Variants in SYK observed in about 807,000 individuals in gnomAD.
The protein encoded by SYK is spleen associated tyrosine kinase, also known as tyrosine-protein kinase SYK.
A neutral mutation model predicts 77.8 loss-of-function variants in SYK; 16 were observed. The observed-to-expected ratio is 0.21, with a 90% CI of 0.14 to 0.31. The LOEUF is 0.31. Ranked by LOEUF, SYK falls within the 10% of genes least tolerant of loss-of-function variation. SYK has a pLI of 1.00. For synonymous variants in SYK, 312 were observed against 308.7 expected (o/e 1.01, Z -0.11); for missense variants, 529 against 814.4 (o/e 0.65, Z 4.26).
chr9:90,843,915 T>C lies in SYK; in HGVS notation c.17T>C (p.Met6Thr), dbSNP rs201350143. 1.8e-5 allele frequency: 28 copies of C among 1,544,136 alleles called. No homozygotes were observed. The highest frequency in any genetic ancestry group is 2.4e-5 in the Non-Finnish European group (27 of 1,143,698). Residue 6 changes from methionine (M) to threonine (T), a missense_variant, in exon 2 of 14, where the codon ATG becomes ACG. This residue lies in a region of SYK where 321 missense variants were observed against 433.1 expected (regional missense o/e 0.74). Coordinates refer to ENST00000375754, the MANE Select transcript of SYK (RefSeq NM_003177.7). ...CCCTGAAGCATGGCCAGCAGCGGCA[T>C]GGCTGACAGCGCCAACCACCTGCCC... is the stretch of plus-strand genomic sequence containing the variant. MASSG[M>T]ADSANHLPFF...
In SYK at chr9:90,884,482, C is replaced by CATATGTGTGTACATATACATACATAT. The variant is rs1564121271; in HGVS notation, c.1582-3266_1582-3265insTATGTGTGTACATATACATACATATA. Among the ~76,000 whole-genome samples the CATATGTGTGTACATATACATACATAT allele has an allele frequency of 6.0e-4, 4 of 6,692 alleles. 2 individuals are homozygous for CATATGTGTGTACATATACATACATAT. Among genetic ancestry groups the CATATGTGTGTACATATACATACATAT allele is most frequent in the East Asian group, 0.026 (2 of 78 alleles). 4.4% of individuals were successfully genotyped at this position (6,692 alleles called of 152,430 possible). A position where few individuals can be genotyped will look rare whatever the true frequency, so the allele number is the denominator to read the frequency against. On this transcript the variant is annotated intron_variant, in intron 11 of 13. Transcript: ENST00000375754. The stretch of plus-strand genomic sequence containing the variant: ...ACATATGTGTGTACATATACATACA[C>CATATGTGTGTACATATACATACATAT]ACACATACACATATGTGTACATGTA...
chr9:90,885,599 T>C (rs1053154244), intron 11 of SYK, among the ~76,000 whole-genome samples: 1 of 152,144 alleles, frequency 6.6e-6, no homozygotes, highest in African/African-American at 2.4e-5. Context: ...GAATGAAAGA[T>C]TAGAAATCCT....
chr9:90,890,895 G>A (rs1018406101), intron 13 of SYK, among the ~76,000 whole-genome samples: 1 of 152,158 alleles, frequency 6.6e-6, no homozygotes, highest in Non-Finnish European at 1.5e-5. Context: ...TAAGAGCAGA[G>A]GTTTAATAGG....
At chr9:90,874,313 G>A in intron 8 of SYK, 22 bp downstream of exon 8, 3 of 1,612,626 alleles carry the variant, frequency 1.9e-6, no homozygotes, top group Non-Finnish European at 2.5e-6. Flanking sequence ...TTTCATTCAA[G>A]GGACATTCAC....
At chr9:90,811,655 T>C (rs575489074) in intron 1 of SYK, among the ~76,000 whole-genome samples, 22 of 152,276 alleles carry the variant, frequency 1.4e-4, no homozygotes, top group African/African-American at 4.6e-4. Flanking sequence ...CAATGACTCA[T>C]GCCTGTAATT....
chr9:90,807,132 G>A (rs1458196115), intron 1 of SYK, among the ~76,000 whole-genome samples: 1 of 152,244 alleles, frequency 6.6e-6, no homozygotes, highest in East Asian at 1.9e-4. Flanking sequence ...GATTCTCTGA[G>A]AGAGTCAGTC....
chr9:90,844,432 A>C, intron 2 of SYK, 117 bp downstream of exon 2: 4 of 1,207,852 alleles, frequency 3.3e-6, no homozygotes, highest in Non-Finnish European at 3.4e-6. Context: ...TAACACAACC[A>C]TCTCCTTAAG....
intron 1 of SYK, among the ~76,000 whole-genome samples, chr9:90,833,352 T>C (rs1039198775): frequency 6.6e-6 from 1 of 152,190 alleles, no homozygotes; most frequent in Non-Finnish European, 1.5e-5. Flanking sequence ...CTTACACTAA[T>C]GGAGTGTCTA....
At chr9:90,854,263 AG>A (rs1301783867) in intron 3 of SYK, among the ~76,000 whole-genome samples, 5 of 152,214 alleles carry the variant, frequency 3.3e-5, no homozygotes, top group African/African-American at 7.2e-5. Context: ...AGCATGGAGC[AG>A]GGGCGGCTGC....
intron 1 of SYK, among the ~76,000 whole-genome samples, chr9:90,808,877 G>A (rs1242870425): frequency 2.0e-5 from 3 of 152,278 alleles, no homozygotes; most frequent in African/African-American, 7.2e-5. Flanking sequence ...GTGTGAGCCT[G>A]ACCTGCTTCA....
Position 90,889,467 on chromosome 9 carries a change from A to T in SYK, c.1835+840A>T, listed in dbSNP as rs558801908. Among the ~76,000 whole-genome samples the T allele has an allele frequency of 2.6e-5, 4 of 152,362 alleles. No individual in the cohort carries two copies. The East Asian group carries it at 7.7e-4, about 29-fold the overall frequency. On this transcript the variant is annotated intron_variant, in intron 13 of 13. Coordinates refer to ENST00000375754, the MANE Select transcript of SYK (RefSeq NM_003177.7). The stretch of plus-strand genomic sequence containing the variant: ...TCAGGTTTGCCTTCAGATACAGCTG[A>T]CATTGCCAGAGCCTCTGAAAGATGA...
intron 3 of SYK, among the ~76,000 whole-genome samples, chr9:90,858,140 G>A (rs1053870864): frequency 7.9e-5 from 12 of 152,194 alleles, no homozygotes; most frequent in Admixed American, 3.3e-4. Context: ...CCCTAGGAGG[G>A]TGCAGGAGAG....
chr9:90,826,558 C>T (rs182048804), intron 1 of SYK, among the ~76,000 whole-genome samples: 185 of 152,344 alleles, frequency 1.2e-3, no homozygotes, highest in Admixed American at 3.9e-4. Context: ...ACACTTCCCT[C>T]GCGAGGCTCC....
At chr9:90,888,104 AT>A (rs1828647693) in intron 12 of SYK, among the ~76,000 whole-genome samples, 1 of 152,240 alleles carries the variant, frequency 6.6e-6, no homozygotes, top group South Asian at 2.1e-4. Flanking sequence ...ACACATGTAA[AT>A]ATACACAAAA....
chr9:90,842,758 A>AGT (rs60139969), intron 1 of SYK, among the ~76,000 whole-genome samples: 3,670 of 58,188 alleles, frequency 0.063, 64 homozygotes, highest in East Asian at 0.19. Flanking sequence ...GTATGGAGAG[A>AGT]GTGTGTGTGT....
At chr9:90,840,553 C>CT in intron 1 of SYK, among the ~76,000 whole-genome samples, 1 of 67,834 alleles carries the variant, frequency 1.5e-5, no homozygotes, top group South Asian at 5.6e-4. Flanking sequence ...CCCGTCTCTT[C>CT]TAAAAAAAAA....
intron 13 of SYK, among the ~76,000 whole-genome samples, chr9:90,891,291 G>A (rs1447617631): frequency 6.6e-6 from 1 of 151,854 alleles, no homozygotes; most frequent in African/African-American, 2.4e-5. Flanking sequence ...GACTACAGGC[G>A]CCCGCCACCA....
chr9:90,835,996 T>TA (rs1439035098), intron 1 of SYK, among the ~76,000 whole-genome samples: 1 of 152,038 alleles, frequency 6.6e-6, no homozygotes, highest in East Asian at 1.9e-4. Flanking sequence ...CCCAGAAATA[T>TA]AAAAAATGTT....
At chr9:90,817,882 T>TGTGTGTGTGTGA (rs1302553724) in intron 1 of SYK, among the ~76,000 whole-genome samples, 83 of 66,900 alleles carry the variant, frequency 1.2e-3, no homozygotes, top group South Asian at 9.3e-3. Context: ...TGTGTGTGTG[T>TGTGTGTGTGTGA]GAGAGAGAGA....
Sources: allele counts gnomAD v4.1 joint callset (sites outside exome capture counted in the v4.1 genomes callset), GRCh38; gene constraint gnomAD v4.1.1; regional missense constraint gnomAD v4.1.1; transcripts MANE v1.5; gene names NCBI Gene and HGNC (gene_info 2026-07-23, HGNC 2026-07-21).